Variants in DUSP29 observed in about 807,000 individuals in gnomAD.
The protein encoded by DUSP29 is atypical dual-specific protein phosphatase.
Under a neutral mutation model 13.5 loss-of-function variants are expected in DUSP29, and 12 were observed. The ratio of observed to expected loss-of-function variants is 0.89; its 90% confidence interval spans 0.57 to 1.44. DUSP29 has a LOEUF of 1.44. DUSP29 is among the 40% of genes most tolerant of loss of function. The pLI is 0.00. For synonymous variants in DUSP29, 134 were observed against 128.7 expected, an observed-to-expected ratio of 1.04 and a Z score of -0.28; for missense variants, 308 against 301.1, an observed-to-expected ratio of 1.02 and a Z score of -0.17.
In DUSP29 at chr10:75,069,422, G is replaced by A. The variant is rs528022992; in HGVS notation, c.-35+4147C>T. Among the ~76,000 whole-genome samples the A allele has an allele frequency of 6.6e-5, 10 of 152,050 alleles. No homozygotes were observed. The East Asian group carries it at 1.9e-3, about 29-fold the overall frequency. ...TCTGAAGATGTGTGGAAACACCACAGGCGGTTTCACAGGAACCATTTCCCA... is the reference window on the plus strand; with the variant it reads ...TCTGAAGATGTGTGGAAACACCACAAGCGGTTTCACAGGAACCATTTCCCA... On this transcript the variant is annotated intron_variant, in intron 1 of 3. Coordinates refer to ENST00000338487, the MANE Select transcript of DUSP29 (RefSeq NM_001003892.3).
chr10:75,058,253 A>T, intron 2 of DUSP29, 62 bp downstream of exon 2: 1 of 1,549,128 alleles, frequency 6.5e-7, no homozygotes, highest in South Asian at 1.2e-5. Context: ...GAGGTGGCGC[A>T]GGGCGTGGCC....
chr10:75,048,380 G>T (rs1846747333), intron 2 of DUSP29, among the ~76,000 whole-genome samples: 2 of 148,390 alleles, frequency 1.3e-5, no homozygotes, highest in South Asian at 2.1e-4. Flanking sequence ...CTGGAATCAT[G>T]TAGTTTACTT....
chr10:75,038,821 C>T (rs1274273048), intron 3 of DUSP29, among the ~76,000 whole-genome samples: 1 of 152,090 alleles, frequency 6.6e-6, no homozygotes, highest in Non-Finnish European at 1.5e-5. Flanking sequence ...ATTTTGTTTC[C>T]AAGACTAGGG....
intron 2 of DUSP29, among the ~76,000 whole-genome samples, chr10:75,052,953 T>C (rs1053939255): frequency 1.3e-5 from 2 of 152,236 alleles, no homozygotes; most frequent in Non-Finnish European, 2.9e-5. Context: ...ATGGCATGTG[T>C]CACTTCTAAA....
At chr10:75,039,866 T>C (rs755940780) in intron 3 of DUSP29, among the ~76,000 whole-genome samples, 5 of 152,064 alleles carry the variant, frequency 3.3e-5, no homozygotes, top group African/African-American at 7.2e-5. Flanking sequence ...TGGAGGGAGA[T>C]AGGGCAAGAG....
At chr10:75,049,198 TA>T in intron 2 of DUSP29, among the ~76,000 whole-genome samples, 1 of 152,230 alleles carries the variant, frequency 6.6e-6, no homozygotes, top group Non-Finnish European at 1.5e-5. Flanking sequence ...TATGTAAATA[TA>T]GCATGATTTG....
At chr10:75,049,620 C>A (rs1056446020) in intron 2 of DUSP29, among the ~76,000 whole-genome samples, 1 of 152,230 alleles carries the variant, frequency 6.6e-6, no homozygotes, top group African/African-American at 2.4e-5. Context: ...AAATTCGCAA[C>A]CTTGACTGTT....
At chr10:75,050,381 A>G (rs984126722) in intron 2 of DUSP29, among the ~76,000 whole-genome samples, 1 of 152,256 alleles carries the variant, frequency 6.6e-6, no homozygotes, top group Non-Finnish European at 1.5e-5. Context: ...CATTGACGCC[A>G]GTCCCTGGCT....
chr10:75,067,530 G>A (rs1355756561), intron 1 of DUSP29, among the ~76,000 whole-genome samples: 1 of 152,146 alleles, frequency 6.6e-6, no homozygotes, highest in Non-Finnish European at 1.5e-5. Flanking sequence ...ATGAGGAGTG[G>A]CATCGTTCCC....
At chr10:75,043,663 T>C in intron 3 of DUSP29, 134 bp downstream of exon 3, 2 of 872,854 alleles carry the variant, frequency 2.3e-6, no homozygotes, top group South Asian at 1.8e-5. Context: ...GGGGAAACCT[T>C]GGGCTAAGGG....
intron 1 of DUSP29, among the ~76,000 whole-genome samples, chr10:75,062,274 G>T (rs531307330): frequency 6.6e-6 from 1 of 152,196 alleles, no homozygotes; most frequent in African/African-American, 2.4e-5. Context: ...TACACCTAAA[G>T]GTGGTTTAGG....
chr10:75,057,809 G>T (rs1381482136), intron 2 of DUSP29, among the ~76,000 whole-genome samples: 1 of 152,186 alleles, frequency 6.6e-6, no homozygotes, highest in Non-Finnish European at 1.5e-5. Context: ...TTATTCTTGA[G>T]GGTATTATAG....
intron 2 of DUSP29, among the ~76,000 whole-genome samples, chr10:75,047,804 A>C (rs1482143860): frequency 1.3e-5 from 2 of 152,096 alleles, no homozygotes; most frequent in East Asian, 3.8e-4. Flanking sequence ...CAAAAAAATC[A>C]CCTGTATTTC....
chr10:75,059,753 G>A (rs1847047490), intron 1 of DUSP29, among the ~76,000 whole-genome samples: 1 of 152,150 alleles, frequency 6.6e-6, no homozygotes, highest in African/African-American at 2.4e-5. Context: ...ACATGTCAAA[G>A]GGACTCAGAA....
chr10:75,043,984 C>G lies in DUSP29; in HGVS notation c.234G>C (p.Lys78Asn), dbSNP rs775719718. The G allele has an allele frequency of 6.2e-7, 1 of 1,612,556 alleles. No homozygotes were observed. Among genetic ancestry groups the G allele is most frequent in the East Asian group, 2.2e-5 (1 of 44,878 alleles). Residue 78 changes from lysine to asparagine, a missense_variant, in exon 3 of 4, where the codon AAG (lysine) becomes AAC (asparagine). Lys to Asn is a moderately conservative substitution (Grantham distance 94). Transcript: ENST00000338487. ...CGTTCAGCACGTGCGTGAACCCCGC[C>G]TTCTGCAGCCTATAGCGGTCCAGCG... ...ATALDRYRLQ[K>N]AGFTHVLNAA... is the part of the protein sequence containing the mutation.
At chr10:75,066,299 G>T (rs1847199274) in intron 1 of DUSP29, among the ~76,000 whole-genome samples, 1 of 151,946 alleles carries the variant, frequency 6.6e-6, no homozygotes, top group South Asian at 2.1e-4. Flanking sequence ...ACTTGGCAGT[G>T]CCCCATAGCT....
chr10:75,067,256 G>A (rs540703425), intron 1 of DUSP29, among the ~76,000 whole-genome samples: 4 of 152,048 alleles, frequency 2.6e-5, no homozygotes, highest in South Asian at 2.1e-4. Flanking sequence ...CACTGCACCC[G>A]GCCTGAATTT....
In DUSP29 at chr10:75,037,807, A is replaced by G. The variant is rs777932585; in HGVS notation, c.*29T>C. The G allele has an allele frequency of 1.0e-4, 159 of 1,584,242 alleles. No individual in the cohort carries two copies. The highest frequency in any genetic ancestry group is 1.3e-4 in the Non-Finnish European group (150 of 1,165,856). On this transcript the variant is annotated 3_prime_UTR_variant, in exon 4 of 4. Coordinates refer to ENST00000338487, the MANE Select transcript of DUSP29 (RefSeq NM_001003892.3). ...GTTCTGCCTCTCCCCTCTGTCCCCA[A>G]GTGCCTCTGCTGGCCCTGTGAGTCG...
Position 75,043,951 on chromosome 10 carries a change from G to A in DUSP29, c.267C>T (p.His89=), listed in dbSNP as rs374490639. The change falls in exon 3 of 4, where the codon CAC becomes CAT. Residue 89 remains histidine (H), a synonymous_variant. Coordinates refer to ENST00000338487, the MANE Select transcript of DUSP29 (RefSeq NM_001003892.3). ...AGFTHVLNAA[H]GRWNVDTGPD... ...GCCCAGTGTCCACGTTCCAGCGGCC[G>A]TGGGCCGCGTTCAGCACGTGCGTGA... is the stretch of plus-strand genomic sequence containing the variant. 1 of 1,613,522 alleles carries A rather than the reference G, an allele frequency of 6.2e-7. No individual in the cohort carries two copies. The highest frequency in any genetic ancestry group is 1.7e-5 in the Admixed American group (1 of 60,034).
Sources: gnomAD v4.1 joint callset for allele counts (sites outside exome capture counted in the v4.1 genomes callset) on GRCh38, gnomAD v4.1.1 for gene constraint, MANE v1.5 for transcripts, NCBI Gene and HGNC (gene_info 2026-07-23, HGNC 2026-07-21) for gene names.